CCDC138: variants seen among roughly 807,000 people sequenced by gnomAD.
CCDC138 encodes the protein coiled-coil domain containing 138.
In CCDC138, 66 loss-of-function variants were observed where a neutral mutation model predicts 82.3. The observed-to-expected ratio is 0.80, with a 90% CI of 0.66 to 0.98. The LOEUF is 0.98. Ranked by LOEUF, CCDC138 falls within the 50% of genes least tolerant of loss-of-function variation. The probability of loss-of-function intolerance (pLI) is 0.00; values close to 1 mark genes in which losing one functional copy is unlikely to be tolerated. For missense variants in CCDC138, 816 were observed against 758.9 expected (o/e 1.08, Z -0.88); for synonymous variants, 297 against 265.4 (o/e 1.12, Z -1.16).
chr2:108,871,370 TAAAAAAAAAA>T (rs59725353), intron 13 of CCDC138, among the ~76,000 whole-genome samples: 2 of 76,672 alleles, frequency 2.6e-5, no homozygotes, highest in East Asian at 3.9e-4. Flanking sequence ...CCAACTCTAT[TAAAAAAAAAA>T]AAAAAAAAAA....
chr2:108,793,792 C>T (rs1273201281), intron 4 of CCDC138, among the ~76,000 whole-genome samples: 3 of 151,494 alleles, frequency 2.0e-5, no homozygotes, highest in African/African-American at 4.9e-5. Flanking sequence ...TTAGTAGAGA[C>T]GGGATTTCAC....
chr2:108,879,638 ATTAT>A (rs1468392328), downstream of CCDC138, among the ~76,000 whole-genome samples: 1 of 152,188 alleles, frequency 6.6e-6, no homozygotes, highest in Non-Finnish European at 1.5e-5. Context: ...GTATATTATT[ATTAT>A]TTAATCCTCA....
chr2:108,844,579 T>C (rs185863453), intron 11 of CCDC138, among the ~76,000 whole-genome samples: 9 of 152,282 alleles, frequency 5.9e-5, no homozygotes, highest in Non-Finnish European at 1.2e-4. Flanking sequence ...TTGAAATCTT[T>C]CTGGTCCTTG....
At chr2:108,868,297 T>C (rs1694731628) in intron 13 of CCDC138, among the ~76,000 whole-genome samples, 1 of 152,218 alleles carries the variant, frequency 6.6e-6, no homozygotes, top group Admixed American at 6.5e-5. Flanking sequence ...CCTTTTTCCT[T>C]ATTACTGAAA....
intron 10 of CCDC138, among the ~76,000 whole-genome samples, chr2:108,832,219 G>A (rs1427915339): frequency 6.6e-6 from 1 of 151,610 alleles, no homozygotes; most frequent in Non-Finnish European, 1.5e-5. Flanking sequence ...TAGAGACGGG[G>A]TTTTACCATG....
intron 12 of CCDC138, among the ~76,000 whole-genome samples, chr2:108,853,957 T>C (rs1430011416): frequency 1.7e-5 from 2 of 120,522 alleles, no homozygotes; most frequent in Non-Finnish European, 3.3e-5. Flanking sequence ...ACAATAAATA[T>C]ATATAATAAA....
chr2:108,793,627 C>G (rs1351064937), intron 4 of CCDC138, among the ~76,000 whole-genome samples: 1 of 150,732 alleles, frequency 6.6e-6, no homozygotes, highest in Non-Finnish European at 1.5e-5. Flanking sequence ...GATGGAGTCT[C>G]GCTCTGTCGC....
intron 11 of CCDC138, among the ~76,000 whole-genome samples, chr2:108,845,626 C>T (rs1403559296): frequency 6.8e-6 from 1 of 146,018 alleles, no homozygotes; most frequent in East Asian, 2.0e-4. Context: ...GGCTGGAGTG[C>T]AGTGGTGCGA....
At chr2:108,787,114 C>A (rs1437415311) in intron 1 of CCDC138, among the ~76,000 whole-genome samples, 199 bp downstream of exon 1, 1 of 152,124 alleles carries the variant, frequency 6.6e-6, no homozygotes, top group African/African-American at 2.4e-5. Context: ...GGTGCCGCTT[C>A]ACCTATGCCT....
At chr2:108,799,501 G>C (rs950522686) in intron 6 of CCDC138, among the ~76,000 whole-genome samples, 2 of 152,138 alleles carry the variant, frequency 1.3e-5, no homozygotes, top group African/African-American at 4.8e-5. Context: ...CCTATTTTCT[G>C]TCCCAGTACA....
At chr2:108,848,409 T>C (rs1447810600) in intron 12 of CCDC138, among the ~76,000 whole-genome samples, 2 of 152,166 alleles carry the variant, frequency 1.3e-5, no homozygotes, top group East Asian at 3.8e-4. Flanking sequence ...TTGTGGAGAC[T>C]CTGTATTAAT....
chr2:108,822,086 C>T (rs1229206935), intron 10 of CCDC138, among the ~76,000 whole-genome samples: 2 of 151,970 alleles, frequency 1.3e-5, no homozygotes, highest in East Asian at 1.9e-4. Context: ...TCTAAAGGCA[C>T]GTATCAGCTG....
chr2:108,842,202 G>GTTT (rs11330697), intron 11 of CCDC138, among the ~76,000 whole-genome samples: 2 of 142,156 alleles, frequency 1.4e-5, no homozygotes, highest in Admixed American at 7.0e-5. Context: ...TAATTAAAAA[G>GTTT]TTTTTTTTTT....
chr2:108,788,682 T>G (rs1679369857), intron 2 of CCDC138, 170 bp from the exon 3 acceptor site: 2 of 457,096 alleles, frequency 4.4e-6, no homozygotes, highest in Admixed American at 6.4e-5. Flanking sequence ...ATTGCGCCAC[T>G]GCACTCCAGC....
chr2:108,819,973 C>T (rs1234685128), intron 10 of CCDC138, among the ~76,000 whole-genome samples: 1 of 152,178 alleles, frequency 6.6e-6, no homozygotes, highest in Non-Finnish European at 1.5e-5. Context: ...AACAAAGTGA[C>T]AGTATAAACT....
At position 108,876,113 on chromosome 2, in the gene CCDC138, T is replaced by C. The variant is rs1446160482; in HGVS notation, c.1858T>C (p.Phe620Leu). 7.5e-6 allele frequency: 12 copies of C among 1,601,682 alleles called. No individual in the cohort carries two copies. Among genetic ancestry groups the C allele is most frequent in the Non-Finnish European group, 1.0e-5 (12 of 1,169,238 alleles). Residue 620 changes from phenylalanine to leucine, a missense_variant, in exon 15 of 15, where the codon TTT becomes CTT. Transcript: ENST00000295124. Reference protein sequence around the residue: ...IKSNKKLFELFTIHLMLQEIQ... With the variant: ...IKSNKKLFELLTIHLMLQEIQ... ...GAGTAATAAGAAGCTCTTTGAACTT[T>C]TTACGATTCATCTGATGCTTCAAGA...
At chr2:108,857,609 T>A (rs1448139158) in intron 13 of CCDC138, among the ~76,000 whole-genome samples, 1 of 152,204 alleles carries the variant, frequency 6.6e-6, no homozygotes, top group Non-Finnish European at 1.5e-5. Flanking sequence ...CTGATGTATT[T>A]TATCAACGTT....
At position 108,873,506 on chromosome 2, in the gene CCDC138, C is replaced by T; in HGVS notation, c.1749C>T (p.Cys583=). 6.2e-7 allele frequency: 1 copy of T among 1,611,030 alleles called. No homozygotes were observed. The highest frequency in any genetic ancestry group is 8.5e-7 in the Non-Finnish European group (1 of 1,178,602). Residue 583 remains cysteine, a synonymous_variant, in exon 14 of 15, where the codon TGC becomes TGT. Transcript: ENST00000295124. ...ACSNSLFFRT[C]SVLLRAPKLD... ...GCAACTCTTTATTTTTTCGTACTTG[C>T]TCTGTGCTGCTTCGAGCCCCTAAGC...
downstream of CCDC138, among the ~76,000 whole-genome samples, chr2:108,877,957 T>A (rs1038975719): frequency 2.0e-5 from 3 of 152,174 alleles, no homozygotes; most frequent in South Asian, 6.2e-4. Context: ...CAGGAGAAGA[T>A]TTTTAATCCA....
Sources: gnomAD v4.1 joint callset for allele counts (sites outside exome capture counted in the v4.1 genomes callset) on GRCh38, gnomAD v4.1.1 for gene constraint, MANE v1.5 for transcripts, NCBI Gene and HGNC (gene_info 2026-07-23, HGNC 2026-07-21) for gene names.